FOXN3: variants seen among roughly 807,000 people sequenced by gnomAD.
The protein encoded by FOXN3 is forkhead box protein N3.
Under a neutral mutation model 38.4 loss-of-function variants are expected in FOXN3, and 7 were observed. The observed-to-expected ratio is 0.18, with a 90% CI of 0.10 to 0.34. The LOEUF (loss-of-function observed/expected upper bound fraction) is 0.34. Ranked by LOEUF, FOXN3 falls within the 10% of genes least tolerant of loss-of-function variation. FOXN3 has a pLI of 1.00. For synonymous variants in FOXN3, 230 were observed against 242.2 expected, an observed-to-expected ratio of 0.95 and a Z score of 0.47; for missense variants, 456 against 613.4, an observed-to-expected ratio of 0.74 and a Z score of 2.71.
intron 4 of FOXN3, among the ~76,000 whole-genome samples, chr14:89,210,466 T>C (rs959771498): frequency 6.6e-6 from 1 of 152,214 alleles, no homozygotes; most frequent in Non-Finnish European, 1.5e-5. Context: ...CAGTCTCAGG[T>C]ATTTCTTTAC....
At position 89,521,822 on chromosome 14, in the gene FOXN3, C is replaced by T. The variant is rs560026347; in HGVS notation, c.-15+97206G>A. 3.1e-4 allele frequency among the ~76,000 whole-genome samples: 47 copies of T among 152,020 alleles called. No homozygotes were observed. In the South Asian group the frequency reaches 8.7e-3, roughly 28 times the overall value. On this transcript the variant is annotated intron_variant, in intron 1 of 6. Transcript: ENST00000345097. ...TACGGATCACTTGAGCCCAGGAGTTCGAGACCAGCCTGAACAACACATCAA... is the reference window on the plus strand; with the variant it reads ...TACGGATCACTTGAGCCCAGGAGTTTGAGACCAGCCTGAACAACACATCAA...
chr14:89,369,023 A>G (rs949370837), intron 2 of FOXN3, among the ~76,000 whole-genome samples: 2 of 152,154 alleles, frequency 1.3e-5, no homozygotes, highest in Admixed American at 1.3e-4. Context: ...CCATGTCATG[A>G]GTCCTGAGCT....
At chr14:89,329,139 T>C (rs1227330192) in intron 3 of FOXN3, among the ~76,000 whole-genome samples, 3 of 152,146 alleles carry the variant, frequency 2.0e-5, no homozygotes, top group African/African-American at 7.2e-5. Flanking sequence ...ACACCAGAAA[T>C]CATGTTGCCC....
rs60566758 is a variant in FOXN3, at chr14:89,527,719, T to TTTTG, written c.-15+91308_-15+91309insCAAA. On this transcript the variant is annotated intron_variant, in intron 1 of 6. Coordinates refer to the FOXN3 transcript ENST00000345097. ...ACAATGGCTAATTTTTTTTTTTTTT[T>TTTTG]GATACAGAGTCTGGCTCTGTCGCTC... 7.3e-3 allele frequency among the ~76,000 whole-genome samples: 1,071 copies of TTTTG among 146,864 alleles called. 10 individuals are homozygous for TTTTG. The highest frequency in any genetic ancestry group is 0.022 in the African/African-American group (887 of 39,984).
chr14:89,175,944 C>G (rs535290040), intron 5 of FOXN3, among the ~76,000 whole-genome samples: 4 of 152,260 alleles, frequency 2.6e-5, no homozygotes, highest in African/African-American at 7.2e-5. Context: ...CCAAGAAGGC[C>G]AGCAACAGCT....
intron 3 of FOXN3, among the ~76,000 whole-genome samples, chr14:89,344,441 C>T (rs1888708125): frequency 6.6e-6 from 1 of 152,126 alleles, no homozygotes; most frequent in Non-Finnish European, 1.5e-5. Flanking sequence ...CTCCATAAAC[C>T]ATACTGTTTG....
rs1596179409 is a variant in FOXN3, at chr14:89,318,169, T to G, written c.680+32503A>C. Among the ~76,000 whole-genome samples, 8 of 149,418 alleles carry G rather than the reference T, an allele frequency of 5.4e-5. 2 individuals are homozygous for G. Among genetic ancestry groups the G allele is most frequent in the Admixed American group, 5.3e-4 (8 of 15,042 alleles). On this transcript the variant is annotated intron_variant, in intron 3 of 5. Coordinates refer to ENST00000557258, the MANE Select transcript of FOXN3 (RefSeq NM_005197.4). ...CTTTCTTCTTCTTCTTCTCTTTTTT[T>G]TTTTTTGAGGCGGAGTTTCACTCAT...
At chr14:89,514,447 G>A (rs893296195) in intron 1 of FOXN3, among the ~76,000 whole-genome samples, 9 of 152,120 alleles carry the variant, frequency 5.9e-5, no homozygotes, top group Non-Finnish European at 8.8e-5. Context: ...CAACAGCAAC[G>A]TTACCTCGAT....
At chr14:89,276,259 G>A (rs1284403484) in intron 4 of FOXN3, among the ~76,000 whole-genome samples, 1 of 152,144 alleles carries the variant, frequency 6.6e-6, no homozygotes, top group Non-Finnish European at 1.5e-5. Flanking sequence ...CAGCCTGGGC[G>A]ACAAGAGCAA....
chr14:89,498,545 C>T (rs1257681276), intron 1 of FOXN3, among the ~76,000 whole-genome samples: 1 of 152,150 alleles, frequency 6.6e-6, no homozygotes, highest in Non-Finnish European at 1.5e-5. Flanking sequence ...TTCTTAGCCA[C>T]ACTTATATGC....
rs1364780176 is a variant in FOXN3 at position 89,157,428 on chromosome 14, A to C, written c.*4986T>G. Reference sequence around the variant, plus strand: ...AGAATAACCAGTAGGAGAGAGAGAAAACACAAGGAGTTAACCACCATCGCC... The same window carrying C: ...AGAATAACCAGTAGGAGAGAGAGAACACACAAGGAGTTAACCACCATCGCC... On this transcript the variant is annotated 3_prime_UTR_variant, in exon 6 of 6. Transcript: ENST00000557258. 1 of 152,640 alleles carries C rather than the reference A, an allele frequency of 6.6e-6. No individual in the cohort carries two copies. The highest frequency in any genetic ancestry group is 2.4e-5 in the African/African-American group (1 of 41,454). 9.5% of individuals were successfully genotyped at this position (152,640 alleles called of 1,614,324 possible).
At chr14:89,405,666 A>T (rs780674150) in intron 2 of FOXN3, among the ~76,000 whole-genome samples, 13 of 152,138 alleles carry the variant, frequency 8.5e-5, no homozygotes, top group Non-Finnish European at 1.5e-4. Context: ...AGATGCAAGA[A>T]CTTTACATGT....
chr14:89,511,451 C>T (rs1894092005), intron 1 of FOXN3, among the ~76,000 whole-genome samples: 1 of 151,574 alleles, frequency 6.6e-6, no homozygotes, highest in African/African-American at 2.4e-5. Flanking sequence ...CACTACTACA[C>T]TCAGCTAACT....
intron 1 of FOXN3, among the ~76,000 whole-genome samples, chr14:89,531,986 G>C (rs955008765): frequency 1.3e-5 from 2 of 152,122 alleles, no homozygotes; most frequent in African/African-American, 4.8e-5. Flanking sequence ...AAACTCCAGC[G>C]GTTCTTAAAG....
chr14:89,176,606 C>A (rs991030330), intron 5 of FOXN3, among the ~76,000 whole-genome samples: 1 of 152,240 alleles, frequency 6.6e-6, no homozygotes, highest in African/African-American at 2.4e-5. Context: ...TTGTTCTAGT[C>A]TCCACTGCAC....
At chr14:89,281,997 A>G (rs145512925) in intron 3 of FOXN3, among the ~76,000 whole-genome samples, 61 of 152,298 alleles carry the variant, frequency 4.0e-4, no homozygotes, top group African/African-American at 1.4e-3. Context: ...GAAGAATCTG[A>G]AGGGCTATAC....
chr14:89,506,345 C>T (rs1343396000), intron 1 of FOXN3, among the ~76,000 whole-genome samples: 2 of 132,352 alleles, frequency 1.5e-5, no homozygotes, highest in Admixed American at 7.3e-5. Flanking sequence ...GCCCCCCGCC[C>T]GGCCAGCCGC....
At chr14:89,491,868 C>T (rs898065808) in intron 1 of FOXN3, among the ~76,000 whole-genome samples, 1 of 152,250 alleles carries the variant, frequency 6.6e-6, no homozygotes, top group Middle Eastern at 3.4e-3. Flanking sequence ...TAAGTACTGC[C>T]AAGATTTCAC....
intron 1 of FOXN3, among the ~76,000 whole-genome samples, chr14:89,443,848 A>G (rs1892439179): frequency 6.6e-6 from 1 of 152,064 alleles, no homozygotes; most frequent in South Asian, 2.1e-4. Context: ...TGTCTCTACT[A>G]AAAATACAAA....
Sources: allele counts gnomAD v4.1 joint callset (sites outside exome capture counted in the v4.1 genomes callset), GRCh38; gene constraint gnomAD v4.1.1; transcripts MANE v1.5; gene names NCBI Gene and HGNC (gene_info 2026-07-23, HGNC 2026-07-21).